TSPAN32: variants seen among roughly 807,000 people sequenced by gnomAD.
The protein encoded by TSPAN32 is tetraspanin-32.
TSPAN32 carries 47 observed loss-of-function variants against 42.7 expected under a neutral mutation model. That is an observed-to-expected ratio of 1.10 (90% confidence interval 0.87 to 1.40). The LOEUF (loss-of-function observed/expected upper bound fraction) is 1.40. Ranked by LOEUF, TSPAN32 falls within the 40% of genes most tolerant of loss-of-function variation. The pLI is 0.00. For missense variants in TSPAN32, 469 were observed against 424.1 expected (o/e 1.11, Z -0.93); for synonymous variants, 175 against 175.9 (o/e 0.99, Z 0.04).
At chr11:2,303,177 C>T in intron 2 of TSPAN32, 1 of 561,746 alleles carries the variant, frequency 1.8e-6, no homozygotes, top group African/African-American at 1.9e-5. Flanking sequence ...TTCTCGTGCC[C>T]CACAGGAGCG....
At chr11:2,316,091 G>A (rs2133381804) in intron 6 of TSPAN32, 138 bp from the exon 7 acceptor site, 1 of 1,530,402 alleles carries the variant, frequency 6.5e-7, no homozygotes, top group Middle Eastern at 1.7e-4. Flanking sequence ...GGGCTTCCTA[G>A]GAATGTGCCG....
chr11:2,314,059 C>A (rs367602224), intron 5 of TSPAN32, among the ~76,000 whole-genome samples: 102 of 151,850 alleles, frequency 6.7e-4, no homozygotes, highest in African/African-American at 2.1e-3. Flanking sequence ...GTGGCTCACA[C>A]CTGTAATCCC....
Position 2,313,340 on chromosome 11 carries a change from C to T in TSPAN32, c.355-314C>T, listed in dbSNP as rs1421374628. Among the ~76,000 whole-genome samples the T allele has an allele frequency of 6.6e-6, 1 of 152,214 alleles. No homozygotes were observed. Among genetic ancestry groups the T allele is most frequent in the African/African-American group, 2.4e-5 (1 of 41,448 alleles). On this transcript the variant is annotated intron_variant, in intron 4 of 9. Coordinates refer to ENST00000182290, the MANE Select transcript of TSPAN32 (RefSeq NM_139022.3). This position sits in a 1 kb window ranked among gnomAD's most constrained non-coding sequence, Gnocchi z 9.1. ...GTAGCGTGCTGGAAACTTCTGTGGG[C>T]CAACCTTGTAAGACCACAGCGGAGG...
At chr11:2,307,546 G>A (rs1192173080) in intron 3 of TSPAN32, among the ~76,000 whole-genome samples, 1 of 152,196 alleles carries the variant, frequency 6.6e-6, no homozygotes, top group Non-Finnish European at 1.5e-5. Flanking sequence ...CAGACCCTGA[G>A]TGGGAGGACA....
At chr11:2,303,167 T>G in intron 2 of TSPAN32, 1 of 563,610 alleles carries the variant, frequency 1.8e-6, no homozygotes, top group East Asian at 3.0e-5. Flanking sequence ...TCCTGCCTGG[T>G]TCTCGTGCCC....
At chr11:2,309,424 G>A (rs551600455) in intron 4 of TSPAN32, 84 of 456,656 alleles carry the variant, frequency 1.8e-4, no homozygotes, top group African/African-American at 1.7e-3. Context: ...CCAGCAGCTT[G>A]GAGAGGAAGG....
chr11:2,308,899 C>A (rs1463264395), intron 4 of TSPAN32, 89 bp downstream of exon 4: 2 of 885,300 alleles, frequency 2.3e-6, no homozygotes, highest in Admixed American at 2.5e-5. Context: ...CTGGGAGGAG[C>A]AGCCCCAGCT....
chr11:2,302,869 T>G lies in TSPAN32; in HGVS notation c.92T>G (p.Met31Arg). 1 of 1,613,536 alleles carries G rather than the reference T, an allele frequency of 6.2e-7. No homozygotes were observed. The change falls in exon 2 of 10, where the codon ATG becomes AGG. Residue 31 changes from methionine to arginine, a missense_variant. Coordinates refer to ENST00000182290, the MANE Select transcript of TSPAN32 (RefSeq NM_139022.3). The part of the protein sequence containing the change: ...ILLLGLSVAT[M>R]VTLTYFGAHF... ...CTGCTGGGCCTCTCTGTGGCCACCA[T>G]GGTGACTCTTACCTACTTCGGGGCC...
At chr11:2,315,660 G>GGCGGAGGC in intron 6 of TSPAN32, 1 of 1,189,852 alleles carries the variant, frequency 8.4e-7, no homozygotes, top group South Asian at 1.5e-5. Context: ...GCCTCCACAG[G>GGCGGAGGC]CCGCCCCAGT....
At position 2,317,738 on chromosome 11, in the gene TSPAN32, C is replaced by T; in HGVS notation, c.902-125C>T. 6.6e-7 allele frequency: 1 copy of T among 1,520,344 alleles called. No homozygotes were observed. The highest frequency in any genetic ancestry group is 8.8e-7 in the Non-Finnish European group (1 of 1,142,602). 94.2% of individuals were successfully genotyped at this position (1,520,344 alleles called of 1,614,324 possible). On this transcript the variant is annotated intron_variant, in intron 9 of 9. Transcript: ENST00000182290. This position sits in a 1 kb window ranked among gnomAD's most constrained non-coding sequence, Gnocchi z 6.2. ...GGAGGCAGCAGCCCAGGGCAGACTG[C>T]AAGACACTGGTGGCCCACGGCCTGG... is the stretch of plus-strand genomic sequence containing the variant.
At chr11:2,306,007 A>AGT (rs146812694) in intron 3 of TSPAN32, among the ~76,000 whole-genome samples, 1 of 145,726 alleles carries the variant, frequency 6.9e-6, no homozygotes, top group Non-Finnish European at 1.5e-5. Flanking sequence ...CATGTGCATG[A>AGT]GTGTGTGTGT....
intron 4 of TSPAN32, among the ~76,000 whole-genome samples, chr11:2,312,710 T>C (rs968359090): frequency 4.6e-5 from 7 of 152,064 alleles, no homozygotes; most frequent in Non-Finnish European, 8.8e-5. Context: ...GGAGGGCAGG[T>C]GTGAGTGGCT....
At chr11:2,310,598 T>G (rs1848405498) in intron 4 of TSPAN32, among the ~76,000 whole-genome samples, 1 of 152,184 alleles carries the variant, frequency 6.6e-6, no homozygotes, top group Non-Finnish European at 1.5e-5. Flanking sequence ...GTGGCCTGGG[T>G]GAAGGAGCTC....
At position 2,304,337 on chromosome 11, in the gene TSPAN32, AG is replaced by A; in HGVS notation, c.279+134del. 1.5e-6 allele frequency: 1 copy of A among 647,228 alleles called. No homozygotes were observed. Among genetic ancestry groups the A allele is most frequent in the Admixed American group, 3.1e-5 (1 of 32,616 alleles). The allele number at this position is 647,228 out of a possible 1,614,324, so 40.1% of individuals were successfully genotyped here. On this transcript the variant is annotated intron_variant, in intron 3 of 9. Coordinates refer to ENST00000182290, the MANE Select transcript of TSPAN32 (RefSeq NM_139022.3). The surrounding 1 kb of genome is among the most constrained non-coding windows in gnomAD (Gnocchi z 4.8). ...ACCAGAGGCCCCAGGGATGCTGGCC[AG>A]CCGAGACCCCCACGTCAACCCCACA...
Position 2,308,679 on chromosome 11 carries a change from G to A in TSPAN32, c.280-57G>A, listed in dbSNP as rs540258194. On this transcript the variant is annotated intron_variant, in intron 3 of 9. Transcript: ENST00000182290. ...ACAGTGACCGGCCCCCCCCAGCAGCGACCAGCCCCCCGCAGTGACCAGCCC... is the reference window on the plus strand; with the variant it reads ...ACAGTGACCGGCCCCCCCCAGCAGCAACCAGCCCCCCGCAGTGACCAGCCC... The A allele has an allele frequency of 1.1e-4, 71 of 650,070 alleles. 2 individuals are homozygous for A. The highest frequency in any genetic ancestry group is 9.3e-4 in the African/African-American group (42 of 45,032). The allele number at this position is 650,070 out of a possible 1,614,324, so 40.3% of individuals were successfully genotyped here. A position where few individuals can be genotyped will look rare whatever the true frequency, so the allele number is the denominator to read the frequency against.
rs1848229799 is a variant in TSPAN32 at position 2,308,300 on chromosome 11, C to T, written c.280-436C>T. Among the ~76,000 whole-genome samples, 3 of 152,108 alleles carry T rather than the reference C, an allele frequency of 2.0e-5. No homozygotes were observed. The South Asian group carries it at 6.2e-4, about 31-fold the overall frequency. On this transcript the variant is annotated intron_variant, in intron 3 of 9. Transcript: ENST00000182290. The stretch of plus-strand genomic sequence containing the variant: ...GTGGGGAGCGGGACTCAGACCCACA[C>T]CTCGACCAAGCATCCTGCTGGGGGC...
At chr11:2,315,101 T>C (rs1848702447) in intron 6 of TSPAN32, 5 of 451,506 alleles carry the variant, frequency 1.1e-5, no homozygotes, top group Non-Finnish European at 1.6e-5. Flanking sequence ...AAGCCTTTCC[T>C]CCCCAGGGCC....
chr11:2,317,274 A>G lies in TSPAN32; in HGVS notation c.720-70A>G. The G allele has an allele frequency of 7.8e-7, 1 of 1,286,274 alleles. No homozygotes were observed. Among genetic ancestry groups the G allele is most frequent in the East Asian group, 2.5e-5 (1 of 39,654 alleles). 79.7% of individuals were successfully genotyped at this position (1,286,274 alleles called of 1,614,324 possible). ...ACAGCCCCATGATCCCCTCTAGAAC[A>G]TTCCACAATAGCCTCACAGGTCCCC... On this transcript the variant is annotated intron_variant, in intron 8 of 9. Coordinates refer to ENST00000182290, the MANE Select transcript of TSPAN32 (RefSeq NM_139022.3). The surrounding 1 kb of genome is among the most constrained non-coding windows in gnomAD (Gnocchi z 6.2).
At chr11:2,315,027 G>A (rs1197888790) in intron 6 of TSPAN32, 1 of 267,682 alleles carries the variant, frequency 3.7e-6, no homozygotes, top group Non-Finnish European at 6.9e-6. Flanking sequence ...GCACTCAGAG[G>A]AGAAGAAGTA....
Sources: gnomAD v4.1 joint callset for allele counts (sites outside exome capture counted in the v4.1 genomes callset) on GRCh38, gnomAD v4.1.1 for gene constraint, Gnocchi (gnomAD v3.1) non-coding constraint, MANE v1.5 for transcripts, NCBI Gene and HGNC (gene_info 2026-07-23, HGNC 2026-07-21) for gene names.